The following MAGI1 variants were observed in gnomAD, a reference collection of about 807,000 sequenced individuals.
MAGI1 encodes membrane associated guanylate kinase, WW and PDZ domain containing 1.
MAGI1 carries 58 observed loss-of-function variants against 139.9 expected under a neutral mutation model. The ratio of observed to expected loss-of-function variants is 0.41; its 90% CI spans 0.34 to 0.52. The LOEUF (loss-of-function observed/expected upper bound fraction) is 0.52. MAGI1 is among the 20% of genes least tolerant of loss of function. The pLI, the probability that MAGI1 is intolerant of heterozygous loss-of-function variation, is 0.12. For synonymous variants in MAGI1, 812 were observed against 737.9 expected, an observed-to-expected ratio of 1.10 and a Z score of -1.63; for missense variants, 1,874 against 1,901.6, an observed-to-expected ratio of 0.99 and a Z score of 0.27.
chr3:65,419,289 A>G (rs1312921040), intron 12 of MAGI1, among the ~76,000 whole-genome samples: 4 of 150,760 alleles, frequency 2.7e-5, no homozygotes, highest in African/African-American at 9.8e-5. Context: ...ATTTTATGAA[A>G]TGTGTGTGTG....
intron 1 of MAGI1, among the ~76,000 whole-genome samples, chr3:65,864,596 A>T (rs2059658564): frequency 6.6e-6 from 1 of 152,198 alleles, no homozygotes; most frequent in Non-Finnish European, 1.5e-5. Flanking sequence ...ATCAGGAAAA[A>T]CAGTACTTTT....
chr3:65,857,331 G>C (rs570642590), intron 1 of MAGI1, among the ~76,000 whole-genome samples: 43 of 152,322 alleles, frequency 2.8e-4, no homozygotes, highest in African/African-American at 9.4e-4. Context: ...ATGCTGCAGA[G>C]ATGTCCTATT....
intron 2 of MAGI1, among the ~76,000 whole-genome samples, chr3:65,515,571 G>T (rs1275183348): frequency 6.6e-6 from 1 of 152,110 alleles, no homozygotes; most frequent in African/African-American, 2.4e-5. Context: ...TCTCTTTTCA[G>T]ATATAAAAAG....
chr3:65,745,914 G>C (rs2035671989), intron 1 of MAGI1, among the ~76,000 whole-genome samples: 1 of 152,148 alleles, frequency 6.6e-6, no homozygotes, highest in Non-Finnish European at 1.5e-5. Flanking sequence ...ATTTTTTATA[G>C]AGACAGGGAT....
At chr3:65,568,246 G>A (rs537200653) in intron 2 of MAGI1, among the ~76,000 whole-genome samples, 69 of 152,024 alleles carry the variant, frequency 4.5e-4, no homozygotes, top group African/African-American at 6.5e-4. Context: ...TTTCCCTCTC[G>A]TTTCCCCAGT....
chr3:66,026,017 T>C (rs1032562687), intron 1 of MAGI1, among the ~76,000 whole-genome samples: 2 of 151,928 alleles, frequency 1.3e-5, no homozygotes, highest in Non-Finnish European at 2.9e-5. Flanking sequence ...AAAAAACACA[T>C]GCTGCAACAC....
chr3:65,687,633 G>A (rs372895305), intron 1 of MAGI1: 18 of 439,976 alleles, frequency 4.1e-5, no homozygotes, highest in East Asian at 1.8e-4. Context: ...AAAAGAGAAT[G>A]GTCACTACAG....
chr3:65,808,298 C>G (rs2041005979), intron 1 of MAGI1, among the ~76,000 whole-genome samples: 1 of 152,022 alleles, frequency 6.6e-6, no homozygotes, highest in African/African-American at 2.4e-5. Flanking sequence ...GTCAGGACTT[C>G]TTGACCACCC....
In MAGI1 at chr3:65,407,046, T is replaced by C. The variant is rs549738661; in HGVS notation, c.2168-5576A>G. Among the ~76,000 whole-genome samples the C allele has an allele frequency of 1.2e-4, 18 of 152,344 alleles. No individual in the cohort carries two copies. The East Asian group carries it at 3.1e-3, about 26-fold the overall frequency. On this transcript the variant is annotated intron_variant, in intron 12 of 22. Transcript: ENST00000402939. ...TGTAGGACTTTAAATTTACAATTAATTTTAACTCAGTAAACTGATCATTAG... is the reference window on the plus strand; with the variant it reads ...TGTAGGACTTTAAATTTACAATTAACTTTAACTCAGTAAACTGATCATTAG...
intron 2 of MAGI1, among the ~76,000 whole-genome samples, chr3:65,547,829 A>C (rs2079577533): frequency 6.6e-6 from 1 of 152,206 alleles, no homozygotes; most frequent in Non-Finnish European, 1.5e-5. Context: ...TATTCACTCC[A>C]TAACAGAATT....
intron 1 of MAGI1, among the ~76,000 whole-genome samples, chr3:65,995,088 T>C (rs2066370619): frequency 1.3e-5 from 2 of 152,078 alleles, no homozygotes; most frequent in Non-Finnish European, 2.9e-5. Flanking sequence ...GACAAAAACA[T>C]TGTCTGTTCC....
chr3:65,959,952 C>T (rs2064342804), intron 1 of MAGI1, among the ~76,000 whole-genome samples: 1 of 151,102 alleles, frequency 6.6e-6, no homozygotes, highest in South Asian at 2.1e-4. Context: ...ATTACAGGAG[C>T]CCGCCATCAC....
At chr3:65,903,040 G>C (rs1235296170) in intron 1 of MAGI1, among the ~76,000 whole-genome samples, 1 of 152,072 alleles carries the variant, frequency 6.6e-6, no homozygotes, top group African/African-American at 2.4e-5. Context: ...CCAAGTTAGA[G>C]TACACTGGCG....
intron 2 of MAGI1, among the ~76,000 whole-genome samples, chr3:65,618,441 G>A (rs2083485360): frequency 6.6e-6 from 1 of 152,084 alleles, no homozygotes; most frequent in Admixed American, 6.5e-5. Flanking sequence ...TACAACCAGT[G>A]AATTACTTGA....
At chr3:65,506,238 T>A (rs1404551) in intron 2 of MAGI1, among the ~76,000 whole-genome samples, 6 of 152,020 alleles carry the variant, frequency 3.9e-5, no homozygotes, top group African/African-American at 7.2e-5. Flanking sequence ...ATAATAATAA[T>A]GCATGCCTCA....
intron 1 of MAGI1, among the ~76,000 whole-genome samples, chr3:65,995,515 G>A (rs936432610): frequency 2.7e-5 from 4 of 150,668 alleles, no homozygotes; most frequent in African/African-American, 9.7e-5. Context: ...TTCCCCATAA[G>A]GATATACGGC....
intron 1 of MAGI1, among the ~76,000 whole-genome samples, chr3:65,867,775 T>C (rs1234525363): frequency 2.0e-5 from 3 of 151,620 alleles, no homozygotes; most frequent in Admixed American, 1.3e-4. Context: ...GGAGTGGGGG[T>C]ATGAGTGGGC....
At chr3:65,989,398 T>A (rs1247620728) in intron 1 of MAGI1, among the ~76,000 whole-genome samples, 1 of 152,174 alleles carries the variant, frequency 6.6e-6, no homozygotes, top group Non-Finnish European at 1.5e-5. Context: ...GCATTGGTAT[T>A]TTTTTATATC....
chr3:65,655,172 G>T (rs1405768612), intron 1 of MAGI1, among the ~76,000 whole-genome samples: 1 of 152,040 alleles, frequency 6.6e-6, no homozygotes, highest in Non-Finnish European at 1.5e-5. Flanking sequence ...CAACTTCCCG[G>T]CCTTCTAGCA....
Sources: gnomAD v4.1 joint callset for allele counts (sites outside exome capture counted in the v4.1 genomes callset) on GRCh38, gnomAD v4.1.1 for gene constraint, MANE v1.5 for transcripts, NCBI Gene and HGNC (gene_info 2026-07-23, HGNC 2026-07-21) for gene names.